Variants in EXD3 observed in about 807,000 individuals in gnomAD.
The protein encoded by EXD3 is exonuclease mut-7 homolog.
In EXD3, 92 loss-of-function variants were observed where a neutral mutation model predicts 98.0. The ratio of observed to expected loss-of-function variants is 0.94; its 90% confidence interval spans 0.79 to 1.12. The LOEUF is 1.12. Among genes scored for constraint, EXD3 ranks in the 50% most tolerant of loss-of-function variants. The probability of loss-of-function intolerance (pLI) is 0.00; values close to 1 mark genes in which losing one functional copy is unlikely to be tolerated. For missense variants in EXD3, 1,222 were observed against 1,191.6 expected, an observed-to-expected ratio of 1.03 and a Z score of -0.38; for synonymous variants, 569 against 526.0, an observed-to-expected ratio of 1.08 and a Z score of -1.12.
chr9:137,378,703 A>T (rs1430129534), intron 3 of EXD3, among the ~76,000 whole-genome samples: 1 of 152,362 alleles, frequency 6.6e-6, no homozygotes, highest in East Asian at 1.9e-4. Context: ...ATCCACATAG[A>T]CAAGCCTTGA....
intron 17 of EXD3, among the ~76,000 whole-genome samples, chr9:137,337,158 C>T (rs772061838): frequency 6.6e-6 from 1 of 152,094 alleles, no homozygotes; most frequent in Non-Finnish European, 1.5e-5. Context: ...CAAAGAGGTT[C>T]ACCACATAAT....
At chr9:137,414,290 G>T (rs1838139409) in intron 1 of EXD3, among the ~76,000 whole-genome samples, 1 of 152,226 alleles carries the variant, frequency 6.6e-6, no homozygotes, top group Non-Finnish European at 1.5e-5. Context: ...GCAGCAGCAT[G>T]TGCTGGAACT....
At chr9:137,343,839 C>T (rs1224456970) in intron 17 of EXD3, among the ~76,000 whole-genome samples, 10 of 147,314 alleles carry the variant, frequency 6.8e-5, no homozygotes, top group African/African-American at 1.8e-4. Flanking sequence ...CCGCCTGCCT[C>T]GGCCTCCCAA....
chr9:137,377,762 C>T (rs1588384923), intron 3 of EXD3, among the ~76,000 whole-genome samples: 1 of 148,546 alleles, frequency 6.7e-6, no homozygotes, highest in Non-Finnish European at 1.5e-5. Flanking sequence ...CCTAAGAGAA[C>T]TTTGAAAACA....
intron 17 of EXD3, among the ~76,000 whole-genome samples, chr9:137,328,021 TATG>T (rs1413575336): frequency 3.2e-4 from 48 of 149,734 alleles, no homozygotes; most frequent in Admixed American, 1.7e-3. Flanking sequence ...TATACTCCCA[TATG>T]ATGAGTAAAA....
In EXD3 at chr9:137,385,328, C is replaced by T. The variant is rs1451982735; in HGVS notation, c.56-1951G>A. On this transcript the variant is annotated intron_variant, in intron 2 of 21. Coordinates refer to ENST00000340951, the MANE Select transcript of EXD3 (RefSeq NM_017820.5). This position sits in a 1 kb window ranked among gnomAD's most constrained non-coding sequence, Gnocchi z 4.4. ...ATGCCCAGGTGGGGAGGACGTACCC[C>T]ACCACGTGGCCATGGCAGGCAGTGT... Among the ~76,000 whole-genome samples, 1 of 152,034 alleles carries T rather than the reference C, an allele frequency of 6.6e-6. No individual in the cohort carries two copies. The highest frequency in any genetic ancestry group is 1.5e-5 in the Non-Finnish European group (1 of 68,006).
rs115260991 is a variant in EXD3 at position 137,352,567 on chromosome 9, G to A, written c.1037+53C>T. 2,026 of 1,462,368 alleles carry A rather than the reference G, an allele frequency of 1.4e-3. 15 individuals are homozygous for A. The African/African-American group carries it at 0.023, about 16-fold the overall frequency. The allele number at this position is 1,462,368 out of a possible 1,614,324, so 90.6% of individuals were successfully genotyped here. On this transcript the variant is annotated intron_variant, in intron 11 of 21. Coordinates refer to ENST00000340951, the MANE Select transcript of EXD3 (RefSeq NM_017820.5). ...GGTGAGCTGTCGTCCCAAGGGTAGG[G>A]GCCACCCTGGGCGGAACCCACCCCT...
intron 5 of EXD3, among the ~76,000 whole-genome samples, chr9:137,370,995 C>T (rs371601572): frequency 3.3e-5 from 5 of 152,194 alleles, no homozygotes; most frequent in East Asian, 3.9e-4. Flanking sequence ...CGGCCTCTTT[C>T]GGCCGGGCGC....
chr9:137,325,856 G>A (rs1832373101), intron 17 of EXD3, among the ~76,000 whole-genome samples: 1 of 152,164 alleles, frequency 6.6e-6, no homozygotes, highest in Non-Finnish European at 1.5e-5. Context: ...TTGGGAGGCT[G>A]CGATGGGTAG....
intron 1 of EXD3, among the ~76,000 whole-genome samples, chr9:137,409,305 C>T (rs536088433): frequency 3.3e-5 from 5 of 152,356 alleles, no homozygotes; most frequent in African/African-American, 7.2e-5. Flanking sequence ...TTCAGAATCC[C>T]GCCAGCATGA....
At chr9:137,410,553 A>G (rs917123288) in intron 1 of EXD3, among the ~76,000 whole-genome samples, 4 of 152,060 alleles carry the variant, frequency 2.6e-5, no homozygotes, top group African/African-American at 7.2e-5. Context: ...GAAAGGTGCT[A>G]ACTCAAGCCA....
At chr9:137,380,342 C>A (rs1241654854) in intron 3 of EXD3, among the ~76,000 whole-genome samples, 2 of 112,008 alleles carry the variant, frequency 1.8e-5, no homozygotes. Context: ...TATCCCCCCC[C>A]ACCCCAACCC....
At chr9:137,318,483 G>T (rs1339965608) in intron 19 of EXD3, among the ~76,000 whole-genome samples, 2 of 152,216 alleles carry the variant, frequency 1.3e-5, no homozygotes, top group East Asian at 1.9e-4. Flanking sequence ...ATGCTGGGGG[G>T]GTGGGGACTG....
At chr9:137,406,383 T>G (rs1389665858) in intron 1 of EXD3, among the ~76,000 whole-genome samples, 2 of 151,802 alleles carry the variant, frequency 1.3e-5, no homozygotes, top group Non-Finnish European at 2.9e-5. Context: ...GCAAGTTATC[T>G]GGAGCTGAGA....
At chr9:137,415,167 C>T (rs909803332) in intron 1 of EXD3, among the ~76,000 whole-genome samples, 8 of 150,860 alleles carry the variant, frequency 5.3e-5, no homozygotes, top group African/African-American at 1.5e-4. Flanking sequence ...GGATTACAGG[C>T]GTGAGCCACT....
At chr9:137,382,841 C>T (rs1286937213) in intron 3 of EXD3, among the ~76,000 whole-genome samples, 3 of 152,188 alleles carry the variant, frequency 2.0e-5, no homozygotes, top group African/African-American at 7.2e-5. Flanking sequence ...GCGTCTGCCC[C>T]CACAGGGGGC....
intron 7 of EXD3, among the ~76,000 whole-genome samples, chr9:137,358,050 G>A (rs966619846): frequency 6.6e-6 from 1 of 152,072 alleles, no homozygotes; most frequent in Non-Finnish European, 1.5e-5. Context: ...CTCAGTCGGA[G>A]GTGAATCTCC....
chr9:137,316,273 G>C (rs1831654304), intron 19 of EXD3, among the ~76,000 whole-genome samples: 2 of 151,894 alleles, frequency 1.3e-5, no homozygotes, highest in African/African-American at 2.4e-5. Flanking sequence ...CAGGGCGCCC[G>C]GCGGAGATTC....
chr9:137,417,809 C>T (rs981577581), intron 1 of EXD3, among the ~76,000 whole-genome samples: 2 of 152,076 alleles, frequency 1.3e-5, no homozygotes, highest in East Asian at 1.9e-4. Flanking sequence ...TGCCGCGGGC[C>T]GGTCCTGCCC....
Sources: allele counts gnomAD v4.1 joint callset (sites outside exome capture counted in the v4.1 genomes callset), GRCh38; gene constraint gnomAD v4.1.1; non-coding constraint Gnocchi (gnomAD v3.1); transcripts MANE v1.5; gene names NCBI Gene and HGNC (gene_info 2026-07-23, HGNC 2026-07-21).